Variants in PLD5 observed in about 807,000 individuals in gnomAD.
PLD5 encodes the protein phospholipase D family member 5, also known as inactive phospholipase D5.
PLD5 carries 36 observed loss-of-function variants against 61.1 expected under a neutral mutation model. The ratio of observed to expected loss-of-function variants is 0.59; its 90% CI spans 0.45 to 0.78. PLD5 has a LOEUF of 0.78. Among genes scored for constraint, PLD5 ranks in the 30% least tolerant of loss-of-function variants. The probability of loss-of-function intolerance (pLI) is 0.00; values close to 1 mark genes in which losing one functional copy is unlikely to be tolerated. For missense variants in PLD5, 515 were observed against 644.4 expected, an observed-to-expected ratio of 0.80 and a Z score of 2.17; for synonymous variants, 243 against 242.8, an observed-to-expected ratio of 1.00 and a Z score of -0.01.
At chr1:242,110,286 G>A (rs905028779) in intron 7 of PLD5, among the ~76,000 whole-genome samples, 1 of 151,796 alleles carries the variant, frequency 6.6e-6, no homozygotes, top group African/African-American at 2.4e-5. Flanking sequence ...TTAAGGCTTG[G>A]TCCTTAAGAC....
intron 4 of PLD5, among the ~76,000 whole-genome samples, chr1:242,257,030 T>C (rs547393255): frequency 1.5e-5 from 2 of 136,130 alleles, no homozygotes; most frequent in Non-Finnish European, 3.2e-5. Context: ...TATATCTACC[T>C]ACCTACCTTC....
chr1:242,426,863 C>A (rs141365728), intron 1 of PLD5, among the ~76,000 whole-genome samples: 1 of 152,168 alleles, frequency 6.6e-6, no homozygotes, highest in Non-Finnish European at 1.5e-5. Context: ...GAGTTCCAGC[C>A]AATGGCATGT....
intron 1 of PLD5, among the ~76,000 whole-genome samples, chr1:242,464,157 G>A (rs916423749): frequency 2.6e-5 from 4 of 152,128 alleles, no homozygotes; most frequent in Admixed American, 6.5e-5. Context: ...CAACTCTCTT[G>A]TTTTTCTGTC....
At chr1:242,470,866 C>T (rs1334980325) in intron 1 of PLD5, among the ~76,000 whole-genome samples, 2 of 152,260 alleles carry the variant, frequency 1.3e-5, no homozygotes, top group Non-Finnish European at 2.9e-5. Context: ...AGAAGCCCAG[C>T]TCCGCTTGCT....
chr1:242,478,820 A>G (rs933569460), intron 1 of PLD5, among the ~76,000 whole-genome samples: 5 of 152,346 alleles, frequency 3.3e-5, no homozygotes, highest in African/African-American at 1.2e-4. Context: ...AGTATCAGAA[A>G]CACAAAGAGA....
intron 5 of PLD5, among the ~76,000 whole-genome samples, chr1:242,186,663 A>G (rs2148916522): frequency 6.6e-6 from 1 of 152,342 alleles, no homozygotes; most frequent in African/African-American, 2.4e-5. Flanking sequence ...AGTGATTGAC[A>G]AGCTATTAGT....
chr1:242,502,922 G>A (rs541157873), intron 1 of PLD5, among the ~76,000 whole-genome samples: 14 of 152,166 alleles, frequency 9.2e-5, no homozygotes, highest in Admixed American at 3.9e-4. Flanking sequence ...TTAGCCTGGC[G>A]TGGTGGCACA....
At chr1:242,100,646 G>A in intron 9 of PLD5, 22 bp downstream of exon 9, 2 of 1,588,032 alleles carry the variant, frequency 1.3e-6, no homozygotes. Context: ...CACCCAAGGA[G>A]CTTCACAGCC....
At chr1:242,311,350 C>A (rs1676687438) in intron 2 of PLD5, among the ~76,000 whole-genome samples, 1 of 152,168 alleles carries the variant, frequency 6.6e-6, no homozygotes, top group Admixed American at 6.6e-5. Flanking sequence ...TGGTTAAGAG[C>A]AGTTCAAACA....
chr1:242,191,131 T>G (rs1223157937), intron 5 of PLD5, among the ~76,000 whole-genome samples: 2 of 152,086 alleles, frequency 1.3e-5, no homozygotes, highest in African/African-American at 2.4e-5. Context: ...ATGGAGTTTT[T>G]TTTTTTTTTT....
chr1:242,517,914 G>T (rs1669156895), intron 1 of PLD5, among the ~76,000 whole-genome samples: 1 of 151,912 alleles, frequency 6.6e-6, no homozygotes, highest in East Asian at 1.9e-4. Context: ...ATGTCAATGA[G>T]TCCCATCCTC....
intron 1 of PLD5, among the ~76,000 whole-genome samples, chr1:242,489,517 T>C (rs1021405317): frequency 6.6e-6 from 1 of 152,134 alleles, no homozygotes; most frequent in African/African-American, 2.4e-5. Context: ...AGCTATATTG[T>C]AATAAAACAT....
At chr1:242,187,931 C>A (rs112597084) in intron 5 of PLD5, among the ~76,000 whole-genome samples, 1 of 152,138 alleles carries the variant, frequency 6.6e-6, no homozygotes, top group African/African-American at 2.4e-5. Context: ...CTGAGGAGAG[C>A]TTTGAATGTC....
chr1:242,090,195 T>C (rs910186994), intron 9 of PLD5, 85 bp from the exon 10 acceptor site: 1 of 1,512,772 alleles, frequency 6.6e-7, no homozygotes, highest in Non-Finnish European at 9.0e-7. Flanking sequence ...GTGGATTCTA[T>C]TAAAAATCAT....
intron 4 of PLD5, 101 bp downstream of exon 4, chr1:242,265,236 A>C (rs1381184818): frequency 4.3e-6 from 6 of 1,404,232 alleles, no homozygotes; most frequent in Non-Finnish European, 5.6e-6. Context: ...TACTAAGTGA[A>C]ATGTACTAAC....
At chr1:242,224,692 C>T (rs1055929212) in intron 4 of PLD5, among the ~76,000 whole-genome samples, 1 of 152,112 alleles carries the variant, frequency 6.6e-6, no homozygotes, top group Admixed American at 6.6e-5. Flanking sequence ...AAATTCTGTG[C>T]TAGACTATTC....
chr1:242,400,727 C>G (rs1042507652), intron 1 of PLD5, among the ~76,000 whole-genome samples: 26 of 152,258 alleles, frequency 1.7e-4, no homozygotes, highest in African/African-American at 5.8e-4. Flanking sequence ...CACCACCCGC[C>G]TGCTTTTCCA....
At chr1:242,217,559 G>T in intron 5 of PLD5, among the ~76,000 whole-genome samples, 1 of 151,566 alleles carries the variant, frequency 6.6e-6, no homozygotes, top group East Asian at 1.9e-4. Context: ...GGGAGGTGGA[G>T]GTTGCAGTGA....
At chr1:242,507,282 T>C (rs541730940) in intron 1 of PLD5, among the ~76,000 whole-genome samples, 1 of 152,318 alleles carries the variant, frequency 6.6e-6, no homozygotes, top group Admixed American at 6.5e-5. Context: ...CCAGCAACCC[T>C]GAAATTCAAT....
Sources: allele counts gnomAD v4.1 joint callset (sites outside exome capture counted in the v4.1 genomes callset), GRCh38; gene constraint gnomAD v4.1.1; transcripts MANE v1.5; gene names NCBI Gene and HGNC (gene_info 2026-07-23, HGNC 2026-07-21).